EEF1AKMT2: variants seen among roughly 807,000 people sequenced by gnomAD.
EEF1AKMT2 encodes the protein eukaryotic translation elongation factor 1 alpha lysine methyltransferase 2.
EEF1AKMT2 carries 32 observed loss-of-function variants against 35.8 expected under a neutral mutation model. That is an observed-to-expected ratio of 0.89 (90% CI 0.67 to 1.20). The LOEUF (loss-of-function observed/expected upper bound fraction) is 1.20, where lower values mean the gene tolerates loss of function less well. EEF1AKMT2 is among the 50% of genes most tolerant of loss of function. EEF1AKMT2 has a pLI of 0.00. For missense variants in EEF1AKMT2, 330 were observed against 347.5 expected (o/e 0.95, Z 0.40); for synonymous variants, 121 against 133.7 (o/e 0.91, Z 0.65).
chr10:124,785,918 A>AAAG (rs1950580441), intron 3 of EEF1AKMT2, among the ~76,000 whole-genome samples: 1 of 150,006 alleles, frequency 6.7e-6, no homozygotes, highest in Non-Finnish European at 1.5e-5. Context: ...AAAAAAAAAA[A>AAAG]GATACACAAG....
At chr10:124,785,586 A>G (rs1728836716) in intron 3 of EEF1AKMT2, among the ~76,000 whole-genome samples, 1 of 152,068 alleles carries the variant, frequency 6.6e-6, no homozygotes, top group Admixed American at 6.6e-5. Flanking sequence ...AGATCTGAAG[A>G]GACATTTTAC....
rs1457332555 is a variant in EEF1AKMT2 at position 124,759,358 on chromosome 10, A to G, written c.*1145T>C. On this transcript the variant is annotated 3_prime_UTR_variant, in exon 7 of 7. Coordinates refer to ENST00000368836, the MANE Select transcript of EEF1AKMT2 (RefSeq NM_212554.4). Reference sequence around the variant, plus strand: ...TCTTAATAGAGGCAAGTCTTTGAGTAGGGAGATGGGGAAAAGTAATGAAGG... The same window carrying G: ...TCTTAATAGAGGCAAGTCTTTGAGTGGGGAGATGGGGAAAAGTAATGAAGG... 1.3e-5 allele frequency: 2 copies of G among 152,194 alleles called. No homozygotes were observed. The highest frequency in any genetic ancestry group is 3.8e-4 in the East Asian group (2 of 5,198). 9.4% of individuals were successfully genotyped at this position (152,194 alleles called of 1,614,324 possible).
chr10:124,778,054 G>A (rs1950502950), intron 3 of EEF1AKMT2, among the ~76,000 whole-genome samples: 1 of 151,892 alleles, frequency 6.6e-6, no homozygotes, highest in South Asian at 2.1e-4. Context: ...AGCCAGGCGT[G>A]GTGGCGGGTG....
At chr10:124,789,318 C>A (rs1950614495) in intron 2 of EEF1AKMT2, among the ~76,000 whole-genome samples, 161 bp from the exon 3 acceptor site, 1 of 152,146 alleles carries the variant, frequency 6.6e-6, no homozygotes, top group Non-Finnish European at 1.5e-5. Context: ...GAGAAACCAC[C>A]TCCAGGAATA....
Position 124,767,360 on chromosome 10 carries a change from A to G in EEF1AKMT2, c.400-1752T>C, listed in dbSNP as rs1950387889. 1.3e-4 allele frequency among the ~76,000 whole-genome samples: 19 copies of G among 151,330 alleles called. No homozygotes were observed. The South Asian group carries it at 4.0e-3, about 31-fold the overall frequency. ...AACCCTGTCTCTACTAAAAATACAA[A>G]AAATTAGCCGGGCGTGGTGGCATGT... On this transcript the variant is annotated intron_variant, in intron 4 of 6. Coordinates refer to ENST00000368836, the MANE Select transcript of EEF1AKMT2 (RefSeq NM_212554.4).
intron 6 of EEF1AKMT2, among the ~76,000 whole-genome samples, 161 bp from the exon 7 acceptor site, chr10:124,760,664 T>C (rs536116204): frequency 7.2e-5 from 11 of 152,230 alleles, no homozygotes; most frequent in Non-Finnish European, 1.6e-4. Context: ...AATTCTACTA[T>C]GTATGTACAG....
intron 1 of EEF1AKMT2, 68 bp from the exon 2 acceptor site, chr10:124,790,406 T>TCC: frequency 9.2e-7 from 1 of 1,091,610 alleles, no homozygotes; most frequent in Non-Finnish European, 1.4e-6. Context: ...AATGTATGTT[T>TCC]CTAATACATT....
chr10:124,769,538 A>C (rs770917372), intron 4 of EEF1AKMT2, among the ~76,000 whole-genome samples: 1 of 152,150 alleles, frequency 6.6e-6, no homozygotes, highest in African/African-American at 2.4e-5. Flanking sequence ...ACAACAAAGC[A>C]AACACCACAA....
At chr10:124,756,559 T>C (rs1249397626), downstream of EEF1AKMT2, among the ~76,000 whole-genome samples, 1 of 152,222 alleles carries the variant, frequency 6.6e-6, no homozygotes. Flanking sequence ...TAATACACTG[T>C]GTTGCAAAAG....
In EEF1AKMT2 at chr10:124,780,489, T is replaced by C. The variant is rs907151284; in HGVS notation, c.292-5707A>G. 3.3e-5 allele frequency among the ~76,000 whole-genome samples: 5 copies of C among 151,972 alleles called. No homozygotes were observed. The East Asian group carries it at 9.6e-4, about 29-fold the overall frequency. On this transcript the variant is annotated intron_variant, in intron 3 of 6. Transcript: ENST00000368836. The stretch of plus-strand genomic sequence containing the variant: ...GCAATGTGTGGACTTAACAGCAAAA[T>C]GAAGGTGACAGAGAAAAAGTCAGTG...
chr10:124,785,673 C>T (rs1219133846), intron 3 of EEF1AKMT2, among the ~76,000 whole-genome samples: 1 of 151,930 alleles, frequency 6.6e-6, no homozygotes, highest in Non-Finnish European at 1.5e-5. Context: ...GTGGGTAGAT[C>T]ACCTGAGGTC....
intron 4 of EEF1AKMT2, among the ~76,000 whole-genome samples, chr10:124,772,584 A>G (rs1653444024): frequency 1.3e-5 from 2 of 151,848 alleles, no homozygotes; most frequent in African/African-American, 4.8e-5. Context: ...ACCCACCACC[A>G]TGCCCAGCTA....
intron 3 of EEF1AKMT2, among the ~76,000 whole-genome samples, chr10:124,785,139 C>T (rs1428060764): frequency 1.4e-5 from 2 of 145,774 alleles, no homozygotes; most frequent in African/African-American, 2.6e-5. Flanking sequence ...CCCAGCTACT[C>T]GGGAGGCTGA....
chr10:124,790,205 T>A (rs1170430597), intron 2 of EEF1AKMT2, 68 bp downstream of exon 2: 9 of 1,292,204 alleles, frequency 7.0e-6, no homozygotes, highest in African/African-American at 1.5e-5. Flanking sequence ...TATATACGTA[T>A]TTTTTTAAAC....
chr10:124,762,259 T>C, intron 6 of EEF1AKMT2, 41 bp downstream of exon 6: 1 of 1,061,086 alleles, frequency 9.4e-7, no homozygotes, highest in Non-Finnish European at 1.2e-6. Context: ...TGTTATATTA[T>C]TTTGCTTTTA....
At chr10:124,761,884 T>C (rs1416804758) in intron 6 of EEF1AKMT2, among the ~76,000 whole-genome samples, 1 of 152,198 alleles carries the variant, frequency 6.6e-6, no homozygotes, top group African/African-American at 2.4e-5. Flanking sequence ...ATTATCCCAC[T>C]GCACTCCAGC....
chr10:124,767,572 G>A (rs1180012554), intron 4 of EEF1AKMT2, among the ~76,000 whole-genome samples: 1 of 149,994 alleles, frequency 6.7e-6, no homozygotes, highest in African/African-American at 2.4e-5. Flanking sequence ...ATTCTACAAA[G>A]AGAAAGATAA....
chr10:124,780,714 T>A (rs1337977554), intron 3 of EEF1AKMT2, among the ~76,000 whole-genome samples: 1 of 149,366 alleles, frequency 6.7e-6, no homozygotes, highest in African/African-American at 2.5e-5. Context: ...GCTAGAAATA[T>A]CGCAAATCTG....
intron 1 of EEF1AKMT2, among the ~76,000 whole-genome samples, chr10:124,790,592 G>T (rs1453391290): frequency 6.6e-6 from 1 of 151,958 alleles, no homozygotes; most frequent in Non-Finnish European, 1.5e-5. Flanking sequence ...ATAAGTTTTA[G>T]CCTAAAAAAA....
Sources: gnomAD v4.1 joint callset for allele counts (sites outside exome capture counted in the v4.1 genomes callset) on GRCh38, gnomAD v4.1.1 for gene constraint, MANE v1.5 for transcripts, NCBI Gene and HGNC (gene_info 2026-07-23, HGNC 2026-07-21) for gene names.